MRM1: variants seen among roughly 807,000 people sequenced by gnomAD.
The protein encoded by MRM1 is rRNA methyltransferase 1, mitochondrial.
Under a neutral mutation model 25.0 loss-of-function variants are expected in MRM1, and 24 were observed. The observed-to-expected ratio is 0.96, with a 90% CI of 0.69 to 1.35. MRM1 has a LOEUF of 1.35. MRM1 is among the 40% of genes most tolerant of loss of function. MRM1 has a pLI of 0.00. For synonymous variants in MRM1, 188 were observed against 199.2 expected (o/e 0.94, Z 0.47); for missense variants, 431 against 464.1 (o/e 0.93, Z 0.65).
At chr17:36,609,934 C>CT (rs987516399), downstream of MRM1, among the ~76,000 whole-genome samples, 39 of 151,456 alleles carry the variant, frequency 2.6e-4, no homozygotes, top group African/African-American at 6.8e-4. Context: ...GCCTATGCTC[C>CT]TTTTTTTTTG....
the MRM1 span, among the ~76,000 whole-genome samples, chr17:36,628,642 C>T: frequency 6.6e-6 from 1 of 152,180 alleles, no homozygotes. Context: ...GAGACACTGA[C>T]TCAGCGATGG....
the MRM1 span, among the ~76,000 whole-genome samples, chr17:36,620,391 G>A: frequency 1.3e-5 from 2 of 152,184 alleles, no homozygotes; most frequent in Admixed American, 1.3e-4. Context: ...CCAGGTGGTG[G>A]GAAGGCAGTG....
the MRM1 span, chr17:36,634,030 C>T: frequency 2.6e-5 from 4 of 151,636 alleles, no homozygotes; most frequent in Admixed American, 6.6e-5. Context: ...GGCTTTGGTC[C>T]TCTTTGGGGC....
chr17:36,603,661 A>G (rs548652206), intron 2 of MRM1, among the ~76,000 whole-genome samples: 1 of 152,166 alleles, frequency 6.6e-6, no homozygotes, highest in Non-Finnish European at 1.5e-5. Flanking sequence ...GGCCTCCCAA[A>G]GTGCTGGGAT....
Position 36,602,223 on chromosome 17 carries a change from G to A in MRM1, c.413G>A (p.Ser138Asn), listed in dbSNP as rs1363305963. 6.2e-7 allele frequency: 1 copy of A among 1,610,606 alleles called. No homozygotes were observed. The highest frequency in any genetic ancestry group is 1.7e-5 in the Admixed American group (1 of 59,992). Residue 138 changes from serine (S) to asparagine (N), a missense_variant, in exon 1 of 5, where the codon AGC becomes AAC. Transcript: ENST00000614766. This position sits in a 1 kb window ranked among gnomAD's most constrained non-coding sequence, Gnocchi z 4.1. The stretch of plus-strand genomic sequence containing the variant: ...CCTTGGAGAGAGGCCGGGGAGGCGA[G>A]CCCAGGCGACGACCCCCAGCAGTTG... ...PRPWREAGEA[S>N]PGDDPQQLWL...
At chr17:36,603,292 T>G (rs2074898493) in intron 2 of MRM1, 3 of 889,224 alleles carry the variant, frequency 3.4e-6, no homozygotes, top group South Asian at 1.0e-4. Flanking sequence ...ATAGGTAGTT[T>G]TAGCTTTTCT....
At chr17:36,612,384 G>A (rs2074982071), downstream of MRM1, among the ~76,000 whole-genome samples, 1 of 152,216 alleles carries the variant, frequency 6.6e-6, no homozygotes, top group South Asian at 2.1e-4. Context: ...TATACAGGCA[G>A]TCCCCCAACA....
chr17:36,628,413 C>T, the MRM1 span, among the ~76,000 whole-genome samples: 26 of 152,302 alleles, frequency 1.7e-4, no homozygotes, highest in African/African-American at 6.3e-4. Flanking sequence ...TTGCCATGGG[C>T]TCAAAACTGG....
chr17:36,628,583 G>A, the MRM1 span, among the ~76,000 whole-genome samples: 1 of 152,250 alleles, frequency 6.6e-6, no homozygotes, highest in South Asian at 2.1e-4. Context: ...CCGAGACCAA[G>A]AGAATGATGG....
the MRM1 span, among the ~76,000 whole-genome samples, chr17:36,615,085 A>G: frequency 2.6e-5 from 4 of 152,314 alleles, no homozygotes; most frequent in Middle Eastern, 3.4e-3. Flanking sequence ...GCTGCTTTGA[A>G]ACAGGACTCC....
At chr17:36,626,988 T>A in the MRM1 span, among the ~76,000 whole-genome samples, 15 of 152,336 alleles carry the variant, frequency 9.8e-5, 1 homozygote, top group East Asian at 2.7e-3. Flanking sequence ...ATGCTGCGCA[T>A]CTGCGGACAG....
At chr17:36,620,293 T>C in the MRM1 span, among the ~76,000 whole-genome samples, 33 of 128,196 alleles carry the variant, frequency 2.6e-4, 1 homozygote, top group South Asian at 9.0e-3. Flanking sequence ...TCAATAATTC[T>C]GCCTTTGGGT....
intron 2 of MRM1, among the ~76,000 whole-genome samples, chr17:36,605,431 C>T (rs979762908): frequency 2.0e-5 from 3 of 151,836 alleles, no homozygotes; most frequent in Non-Finnish European, 4.4e-5. Context: ...GCCTTAGCCT[C>T]CCAAAATGCT....
chr17:36,623,720 C>G, the MRM1 span, among the ~76,000 whole-genome samples: 4 of 152,160 alleles, frequency 2.6e-5, no homozygotes, highest in African/African-American at 9.7e-5. Flanking sequence ...TGGGGGCTCC[C>G]TGGTTGGTAA....
downstream of MRM1, among the ~76,000 whole-genome samples, chr17:36,609,882 G>A (rs1355281754): frequency 6.6e-6 from 1 of 152,152 alleles, no homozygotes; most frequent in Admixed American, 6.5e-5. Flanking sequence ...TCTAATAATG[G>A]CAATGCCAAT....
chr17:36,628,309 C>T, the MRM1 span, among the ~76,000 whole-genome samples: 13 of 152,182 alleles, frequency 8.5e-5, no homozygotes, highest in African/African-American at 2.4e-4. Context: ...TTTGGCAGGG[C>T]TAGAAACATG....
chr17:36,626,529 A>AT, the MRM1 span, among the ~76,000 whole-genome samples: 1 of 152,000 alleles, frequency 6.6e-6, no homozygotes. Flanking sequence ...CACCTGGCTA[A>AT]TTTTTGTATT....
At chr17:36,625,391 G>A in the MRM1 span, among the ~76,000 whole-genome samples, 25,741 of 109,146 alleles carry the variant, frequency 0.24, 2,832 homozygotes, top group African/African-American at 0.39. Flanking sequence ...TTCGCTCTTC[G>A]TCTTCTTTCT....
chr17:36,612,729 A>G (rs2074984199), downstream of MRM1, among the ~76,000 whole-genome samples: 1 of 152,220 alleles, frequency 6.6e-6, no homozygotes, highest in Non-Finnish European at 1.5e-5. Context: ...TCCAAGCCTC[A>G]GTTTTCATCG....
Sources: gnomAD v4.1 joint callset for allele counts (sites outside exome capture counted in the v4.1 genomes callset) on GRCh38, gnomAD v4.1.1 for gene constraint, Gnocchi (gnomAD v3.1) non-coding constraint, MANE v1.5 for transcripts, NCBI Gene and HGNC (gene_info 2026-07-23, HGNC 2026-07-21) for gene names.